The following PARP4 variants were observed in gnomAD, a reference collection of about 807,000 sequenced individuals.
PARP4 encodes the protein protein mono-ADP-ribosyltransferase PARP4.
In PARP4, 120 loss-of-function variants were observed where a neutral mutation model predicts 187.7. The ratio of observed to expected loss-of-function variants is 0.64; its 90% CI spans 0.55 to 0.74. The LOEUF (loss-of-function observed/expected upper bound fraction) is 0.74. PARP4 is among the 30% of genes least tolerant of loss of function. The pLI, the probability that PARP4 is intolerant of heterozygous loss-of-function variation, is 0.00. For missense variants in PARP4, 1,836 were observed against 2,070.5 expected, an observed-to-expected ratio of 0.89 and a Z score of 2.20; for synonymous variants, 654 against 740.9, an observed-to-expected ratio of 0.88 and a Z score of 1.90.
chr13:24,490,782 G>C lies in PARP4; in HGVS notation c.1100C>G (p.Pro367Arg), dbSNP rs760841494. The C allele has an allele frequency of 1.2e-6, 2 of 1,613,990 alleles. No individual in the cohort carries two copies. Among genetic ancestry groups the C allele is most frequent in the South Asian group, 2.2e-5 (2 of 91,072 alleles). ...GTATTTGGCCAGGGATGGTGGGTTGGGTTTGGACAAATTAGTTTCACAGAC... is the reference window on the plus strand; with the variant it reads ...GTATTTGGCCAGGGATGGTGGGTTGCGTTTGGACAAATTAGTTTCACAGAC... The part of the protein sequence containing the change: ...VNVCETNLSK[P>R]NPPSLAKYRA... Residue 367 changes from proline to arginine, a missense_variant, in exon 10 of 34, where the codon CCC becomes CGC. Physicochemically the swap from Pro to Arg is moderately radical, Grantham distance 103 (BLOSUM62 -2). This residue lies in a region of PARP4 where 1,147 missense variants were observed against 1,214.2 expected (regional missense o/e 0.94). Transcript: ENST00000381989.
intron 2 of PARP4, 96 bp from the exon 3 acceptor site, chr13:24,501,930 G>A: frequency 2.7e-6 from 2 of 752,682 alleles, no homozygotes; most frequent in Non-Finnish European, 4.3e-6. Flanking sequence ...AAAGTATTAA[G>A]GTAGTTTGTG....
chr13:24,459,014 C>T lies in PARP4; in HGVS notation c.2424+30G>A, dbSNP rs772560802. ...TAAGATAAAAGTAGTGTTAAAATAA[C>T]AGCTCTTAAGAAATCAAAGATGCAC... is the stretch of plus-strand genomic sequence containing the variant. On this transcript the variant is annotated intron_variant, in intron 20 of 33. Transcript: ENST00000381989. 5.6e-6 allele frequency: 8 copies of T among 1,436,648 alleles called. No homozygotes were observed. In the Admixed American group the frequency reaches 1.0e-4, roughly 19 times the overall value. The allele number at this position is 1,436,648 out of a possible 1,614,324, so 89.0% of individuals were successfully genotyped here. A position where few individuals can be genotyped will look rare whatever the true frequency, so the allele number is the denominator to read the frequency against.
intron 32 of PARP4, 90 bp downstream of exon 32, chr13:24,431,287 A>G (rs1870319371): frequency 1.4e-6 from 1 of 716,490 alleles, no homozygotes; most frequent in Admixed American, 2.7e-5. Flanking sequence ...ACATTAATAC[A>G]CTAGCTTACA....
rs538154246 is a variant in PARP4, at chr13:24,434,868, A to G, written c.4273T>C (p.Ser1425Pro). 1 of 1,614,140 alleles carries G rather than the reference A, an allele frequency of 6.2e-7. No homozygotes were observed. The highest frequency in any genetic ancestry group is 2.2e-5 in the East Asian group (1 of 44,872). ...TCCAGCTCAGGGAAGGTGCCAGCAG[A>G]AGGCCTGGTAGTAAAGCCTCCAGGA... ...QHPGGFTTRP[S>P]AGTFPELDSP... Residue 1425 changes from serine to proline, a missense_variant, in exon 31 of 34, where the codon TCT becomes CCT. Ser to Pro is a moderately conservative substitution (Grantham distance 74). This residue lies in a region of PARP4 where 450 missense variants were observed against 439.2 expected (regional missense o/e 1.02). Coordinates refer to ENST00000381989, the MANE Select transcript of PARP4 (RefSeq NM_006437.4).
intron 17 of PARP4, among the ~76,000 whole-genome samples, chr13:24,464,734 C>T (rs867360264): frequency 1.3e-5 from 2 of 152,000 alleles, no homozygotes; most frequent in East Asian, 1.9e-4. Flanking sequence ...GACATAGGCA[C>T]AGTCAAAGAT....
chr13:24,455,499 ATATATAT>A (rs1232188809), intron 21 of PARP4, among the ~76,000 whole-genome samples: 3 of 139,926 alleles, frequency 2.1e-5, no homozygotes, highest in Non-Finnish European at 3.1e-5. Context: ...ATATATATAT[ATATATAT>A]CACACTATTC....
At chr13:24,428,251 A>G (rs1231579953) in intron 32 of PARP4, among the ~76,000 whole-genome samples, 1 of 152,160 alleles carries the variant, frequency 6.6e-6, no homozygotes, top group East Asian at 1.9e-4. Context: ...AATTTTCTCC[A>G]GTTTTCCTCT....
intron 17 of PARP4, among the ~76,000 whole-genome samples, chr13:24,464,573 G>C (rs1237973562): frequency 6.6e-6 from 1 of 152,168 alleles, no homozygotes; most frequent in Non-Finnish European, 1.5e-5. Context: ...AATGAATGGT[G>C]CTGGGAAAAC....
intron 10 of PARP4, among the ~76,000 whole-genome samples, chr13:24,488,152 C>G (rs1214117199): frequency 6.6e-6 from 1 of 152,022 alleles, no homozygotes; most frequent in African/African-American, 2.4e-5. Flanking sequence ...CTCAGGTAGC[C>G]CTGGAGGGCT....
rs1364891591 is a variant in PARP4, at chr13:24,503,790, A to T, written c.-1-13T>A. 5 of 1,611,694 alleles carry T rather than the reference A, an allele frequency of 3.1e-6. No individual in the cohort carries two copies. The highest frequency in any genetic ancestry group is 1.7e-5 in the Admixed American group (1 of 59,828). ...TCCCATCACCATCCTGTAGGAAAAA[A>T]AGTTTTTAAGGACCCTCTCTTAAGT... is the stretch of plus-strand genomic sequence containing the variant. On this transcript the variant is annotated splice_polypyrimidine_tract_variant and intron_variant, in intron 1 of 33. Transcript: ENST00000381989.
rs1872107143 is a variant in PARP4, at chr13:24,459,829, T to G, written c.2298+143A>C. 3 of 626,668 alleles carry G rather than the reference T, an allele frequency of 4.8e-6. No individual in the cohort carries two copies. In the Admixed American group the frequency reaches 9.5e-5, roughly 20 times the overall value. The allele number at this position is 626,668 out of a possible 1,614,324, so 38.8% of individuals were successfully genotyped here. The stretch of plus-strand genomic sequence containing the variant: ...TTTCATTTTATACACATAATGTATC[T>G]AAATGCATGTCAGTAAAATTAACTT... On this transcript the variant is annotated intron_variant, in intron 18 of 33. Coordinates refer to ENST00000381989, the MANE Select transcript of PARP4 (RefSeq NM_006437.4).
Position 24,455,124 on chromosome 13 carries a change from G to A in PARP4, c.2651C>T (p.Ser884Phe). The change falls in exon 22 of 34, where the codon TCC becomes TTC. Residue 884 changes from serine to phenylalanine, a missense_variant. By Grantham distance (155) the Ser-to-Phe change is radical (BLOSUM62 -2). Around this residue, in one of 8 missense-constraint regions of PARP4, gnomAD observed 1,147 missense variants for 1,214.2 expected, o/e 0.94. Transcript: ENST00000381989. ...ESEVIICLDC[S>F]SSMEGVTFLQ... is the part of the protein sequence containing the mutation. The stretch of plus-strand genomic sequence containing the variant: ...GAATGTCACACCCTCCATGGAACTG[G>A]AGCAGTCAAGACAAATAATCACTTC... The A allele has an allele frequency of 6.2e-7, 1 of 1,613,322 alleles. No individual in the cohort carries two copies.
At chr13:24,466,484 A>C (rs1384124337) in intron 17 of PARP4, among the ~76,000 whole-genome samples, 2 of 152,148 alleles carry the variant, frequency 1.3e-5, no homozygotes, top group Admixed American at 6.6e-5. Flanking sequence ...CCTGGCCAAC[A>C]ATCAAAACTT....
intron 1 of PARP4, among the ~76,000 whole-genome samples, chr13:24,510,553 C>CTAAAAAAAAA (rs1869957401): frequency 1.1e-5 from 1 of 89,270 alleles, no homozygotes; most frequent in Non-Finnish European, 2.1e-5. Flanking sequence ...GACTCCGTCT[C>CTAAAAAAAAA]AAAAAAAAAA....
intron 30 of PARP4, among the ~76,000 whole-genome samples, chr13:24,439,198 G>C (rs7989308): frequency 4.6e-5 from 7 of 151,644 alleles, no homozygotes; most frequent in African/African-American, 1.5e-4. Flanking sequence ...ATGGTGGCTC[G>C]CTCCTGTAAT....
At chr13:24,457,300 C>T (rs1000415) in intron 20 of PARP4, among the ~76,000 whole-genome samples, 13,838 of 152,160 alleles carry the variant, frequency 0.091, 786 homozygotes, top group East Asian at 0.29. Context: ...GTCTGCGTGC[C>T]CCTTTGCAAT....
chr13:24,446,591 T>C, intron 27 of PARP4, 90 bp downstream of exon 27: 9 of 864,798 alleles, frequency 1.0e-5, no homozygotes, highest in East Asian at 5.1e-5. Context: ...GGGCCGTGGG[T>C]TGGACAAGCT....
intron 6 of PARP4, among the ~76,000 whole-genome samples, chr13:24,495,582 G>C (rs2137535924): frequency 6.6e-6 from 1 of 152,286 alleles, no homozygotes; most frequent in East Asian, 1.9e-4. Context: ...TCCTGCCTCT[G>C]TAGTAGGCAG....
At chr13:24,432,564 CT>C (rs1870397018) in intron 31 of PARP4, among the ~76,000 whole-genome samples, 1 of 152,152 alleles carries the variant, frequency 6.6e-6, no homozygotes, top group South Asian at 2.1e-4. Context: ...GGAAAGAGTA[CT>C]TAACATAAGA....
Sources: gnomAD v4.1 joint callset for allele counts (sites outside exome capture counted in the v4.1 genomes callset) on GRCh38, gnomAD v4.1.1 for gene constraint, gnomAD v4.1.1 regional missense constraint, MANE v1.5 for transcripts, NCBI Gene and HGNC (gene_info 2026-07-23, HGNC 2026-07-21) for gene names.